The following TGFBR3 variants were observed in gnomAD, a reference collection of about 807,000 sequenced individuals.
TGFBR3 encodes transforming growth factor beta receptor 3, also known as transforming growth factor beta receptor type 3.
TGFBR3 carries 46 observed loss-of-function variants against 87.9 expected under a neutral mutation model. The observed-to-expected ratio is 0.52, with a 90% confidence interval of 0.41 to 0.67. The LOEUF (loss-of-function observed/expected upper bound fraction) is 0.67, where lower values mean the gene tolerates loss of function less well. TGFBR3 is among the 30% of genes least tolerant of loss of function. The pLI, the probability that TGFBR3 is intolerant of heterozygous loss-of-function variation, is 0.00. For synonymous variants in TGFBR3, 381 were observed against 391.6 expected, an observed-to-expected ratio of 0.97 and a Z score of 0.32; for missense variants, 866 against 1,041.9, an observed-to-expected ratio of 0.83 and a Z score of 2.32.
At chr1:91,804,263 C>A (rs376387322) in intron 2 of TGFBR3, among the ~76,000 whole-genome samples, 1 of 152,206 alleles carries the variant, frequency 6.6e-6, no homozygotes, top group Non-Finnish European at 1.5e-5. Flanking sequence ...GGCTTCCCCA[C>A]CTTCAACTGT....
intron 16 of TGFBR3, among the ~76,000 whole-genome samples, chr1:91,692,852 C>G (rs886388823): frequency 3.3e-5 from 5 of 152,282 alleles, no homozygotes; most frequent in Non-Finnish European, 5.9e-5. Flanking sequence ...TGGTTTTGTG[C>G]TCCGTGCTGC....
chr1:91,899,946 G>C (rs1289194031), intron 1 of TGFBR3, among the ~76,000 whole-genome samples: 1 of 151,964 alleles, frequency 6.6e-6, no homozygotes, highest in African/African-American at 2.4e-5. Context: ...GGGCAGCATA[G>C]TGAGACCTGT....
chr1:91,689,913 T>C (rs1013977316), intron 16 of TGFBR3, among the ~76,000 whole-genome samples: 1 of 148,896 alleles, frequency 6.7e-6, no homozygotes, highest in African/African-American at 2.5e-5. Context: ...GGCATTGACT[T>C]GCATTCCTTT....
chr1:91,857,801 C>T (rs1678019513), intron 2 of TGFBR3, among the ~76,000 whole-genome samples: 1 of 152,096 alleles, frequency 6.6e-6, no homozygotes, highest in African/African-American at 2.4e-5. Flanking sequence ...AGGGTGGGAA[C>T]GAATCTTACA....
At chr1:91,785,907 C>A (rs1294128391) in intron 3 of TGFBR3, among the ~76,000 whole-genome samples, 1 of 151,932 alleles carries the variant, frequency 6.6e-6, no homozygotes, top group Non-Finnish European at 1.5e-5. Context: ...GCTGGGACCA[C>A]AGGTGCACAC....
At position 91,747,012 on chromosome 1, in the gene TGFBR3, G is replaced by A. The variant is rs1029388081; in HGVS notation, c.384+11601C>T. On this transcript the variant is annotated intron_variant, in intron 4 of 16. Coordinates refer to ENST00000212355, the MANE Select transcript of TGFBR3 (RefSeq NM_003243.5). ...TATGATATTAATCACAAAAGCTCAG[G>A]CTGCACACTTCCTAAGTGCATGTCA... Among the ~76,000 whole-genome samples, 8 of 152,168 alleles carry A rather than the reference G, an allele frequency of 5.3e-5. No individual in the cohort carries two copies. In the South Asian group the frequency reaches 1.7e-3, roughly 32 times the overall value.
At chr1:91,897,690 C>T (rs954886193) in intron 2 of TGFBR3, among the ~76,000 whole-genome samples, 1 of 152,166 alleles carries the variant, frequency 6.6e-6, no homozygotes, top group African/African-American at 2.4e-5. Context: ...TCATTTATTA[C>T]TATTGTGTGG....
At chr1:91,891,785 G>A (rs71510740) in intron 2 of TGFBR3, among the ~76,000 whole-genome samples, 359 of 152,198 alleles carry the variant, frequency 2.4e-3, no homozygotes, top group Non-Finnish European at 4.4e-3. Flanking sequence ...ATCACAGACA[G>A]ATTTACTACT....
intron 2 of TGFBR3, among the ~76,000 whole-genome samples, chr1:91,825,496 G>A (rs953256278): frequency 6.6e-6 from 1 of 152,176 alleles, no homozygotes; most frequent in African/African-American, 2.4e-5. Context: ...GGAAGAATAG[G>A]GAGAGATTGC....
intron 4 of TGFBR3, among the ~76,000 whole-genome samples, chr1:91,748,466 C>G (rs1453619546): frequency 6.6e-6 from 1 of 152,160 alleles, no homozygotes; most frequent in Admixed American, 6.5e-5. Flanking sequence ...AATCTTTATT[C>G]AAGTGAAATA....
At chr1:91,851,710 GTGT>G (rs1323830754) in intron 2 of TGFBR3, among the ~76,000 whole-genome samples, 3 of 152,230 alleles carry the variant, frequency 2.0e-5, no homozygotes, top group African/African-American at 7.2e-5. Context: ...CTTGATGGAA[GTGT>G]TGATCACTGT....
intron 1 of TGFBR3, among the ~76,000 whole-genome samples, chr1:91,873,439 C>T (rs142027735): frequency 9.0e-4 from 136 of 151,810 alleles, no homozygotes; most frequent in African/African-American, 2.8e-3. Flanking sequence ...CCTGCCACCA[C>T]GCCCAGCTAA....
At chr1:91,833,037 C>A (rs1341472498) in intron 2 of TGFBR3, among the ~76,000 whole-genome samples, 1 of 148,752 alleles carries the variant, frequency 6.7e-6, no homozygotes, top group African/African-American at 2.5e-5. Context: ...GTGCAGTGGC[C>A]TATAATCCCA....
chr1:91,772,696 T>C (rs1468773580), intron 3 of TGFBR3, among the ~76,000 whole-genome samples: 1 of 152,216 alleles, frequency 6.6e-6, no homozygotes, highest in East Asian at 1.9e-4. Context: ...ATTAAGCCTC[T>C]TATCTATCCC....
chr1:91,701,935 A>G (rs753891399), intron 14 of TGFBR3, among the ~76,000 whole-genome samples: 10 of 152,140 alleles, frequency 6.6e-5, no homozygotes, highest in Admixed American at 2.6e-4. Context: ...ATTCATTGCA[A>G]TTACTTGTTC....
upstream of TGFBR3, chr1:91,886,188 TCGCACACA>T: frequency 2.2e-6 from 1 of 453,420 alleles, no homozygotes; most frequent in Non-Finnish European, 4.4e-6. Context: ...TCGCCCTCCC[TCGCACACA>T]CGCGGGCGGG....
chr1:91,853,379 C>T (rs1383027712), intron 2 of TGFBR3, among the ~76,000 whole-genome samples: 1 of 151,730 alleles, frequency 6.6e-6, no homozygotes, highest in Non-Finnish European at 1.5e-5. Flanking sequence ...GGTGGTAGTC[C>T]CCTGCCAGCA....
chr1:91,698,436 A>G (rs539404087), intron 14 of TGFBR3, among the ~76,000 whole-genome samples: 3 of 147,312 alleles, frequency 2.0e-5, no homozygotes, highest in South Asian at 2.1e-4. Flanking sequence ...CTTTTTATTT[A>G]CTTACAAAAA....
At chr1:91,743,274 C>T (rs1673221856) in intron 4 of TGFBR3, among the ~76,000 whole-genome samples, 1 of 152,186 alleles carries the variant, frequency 6.6e-6, no homozygotes, top group African/African-American at 2.4e-5. Context: ...GAGGAACTTG[C>T]TGTGGATAGT....
Sources: gnomAD v4.1 joint callset for allele counts (sites outside exome capture counted in the v4.1 genomes callset) on GRCh38, gnomAD v4.1.1 for gene constraint, MANE v1.5 for transcripts, NCBI Gene and HGNC (gene_info 2026-07-23, HGNC 2026-07-21) for gene names.